The following ERG variants were observed in gnomAD, a reference collection of about 807,000 sequenced individuals.
The protein encoded by ERG is transcriptional regulator ERG.
Under a neutral mutation model 55.3 loss-of-function variants are expected in ERG, and 9 were observed. That is an observed-to-expected ratio of 0.16 (90% confidence interval 0.10 to 0.28). ERG has a LOEUF of 0.28. ERG is among the 10% of genes least tolerant of loss of function. The pLI, the probability that ERG is intolerant of heterozygous loss-of-function variation, is 1.00. For synonymous variants in ERG, 223 were observed against 237.3 expected (o/e 0.94, Z 0.55); for missense variants, 434 against 631.6 (o/e 0.69, Z 3.35).
chr21:38,439,133 C>T (rs1484823777), intron 2 of ERG, among the ~76,000 whole-genome samples: 2 of 152,276 alleles, frequency 1.3e-5, no homozygotes, highest in East Asian at 1.9e-4. Flanking sequence ...CTGCAGTGAG[C>T]CTCCAGGTGG....
At chr21:38,422,163 A>G (rs1301928349) in intron 3 of ERG, among the ~76,000 whole-genome samples, 1 of 152,272 alleles carries the variant, frequency 6.6e-6, no homozygotes, top group African/African-American at 2.4e-5. Context: ...GGCCTCCCTG[A>G]GGCCATGACA....
intron 1 of ERG, among the ~76,000 whole-genome samples, chr21:38,497,079 A>G (rs988513799): frequency 2.0e-5 from 3 of 152,226 alleles, no homozygotes; most frequent in African/African-American, 4.8e-5. Flanking sequence ...CAATCCTTGA[A>G]GCCAAAGAAA....
At chr21:38,567,698 A>G (rs985492499) in intron 2 of ERG, among the ~76,000 whole-genome samples, 1 of 152,188 alleles carries the variant, frequency 6.6e-6, no homozygotes, top group South Asian at 2.1e-4. Flanking sequence ...TTACAACTCA[A>G]TGAGTCTTTT....
chr21:38,622,592 A>G (rs1435559288), intron 1 of ERG, among the ~76,000 whole-genome samples: 2 of 149,876 alleles, frequency 1.3e-5, no homozygotes, highest in Admixed American at 6.7e-5. Context: ...CACACACACC[A>G]CACACAATCA....
At chr21:38,599,174 GC>G (rs1248198958) in intron 1 of ERG, among the ~76,000 whole-genome samples, 2 of 152,120 alleles carry the variant, frequency 1.3e-5, no homozygotes, top group Non-Finnish European at 2.9e-5. Context: ...CCATGGGGGG[GC>G]ACACTGAGCT....
intron 3 of ERG, among the ~76,000 whole-genome samples, chr21:38,414,098 G>A (rs1367679180): frequency 6.6e-6 from 1 of 152,204 alleles, no homozygotes; most frequent in Non-Finnish European, 1.5e-5. Flanking sequence ...ATCCGAGACT[G>A]TGGATAAAAT....
At chr21:38,407,005 G>A (rs910541055) in intron 3 of ERG, among the ~76,000 whole-genome samples, 7 of 152,082 alleles carry the variant, frequency 4.6e-5, no homozygotes, top group South Asian at 2.1e-4. Context: ...CTGGAGTTCC[G>A]GAGTTCTGCC....
intron 2 of ERG, among the ~76,000 whole-genome samples, chr21:38,543,570 G>A (rs1314649586): frequency 6.6e-6 from 1 of 152,100 alleles, no homozygotes; most frequent in Non-Finnish European, 1.5e-5. Flanking sequence ...GGGCTGGGAA[G>A]TGAGGATGGA....
chr21:38,493,152 C>T (rs2059350756), intron 1 of ERG, among the ~76,000 whole-genome samples: 1 of 152,112 alleles, frequency 6.6e-6, no homozygotes, highest in African/African-American at 2.4e-5. Flanking sequence ...TAATTCCTTT[C>T]TAGGCACCAA....
intron 1 of ERG, among the ~76,000 whole-genome samples, chr21:38,605,386 C>T (rs77246831): frequency 6.3e-4 from 96 of 152,208 alleles, no homozygotes; most frequent in Middle Eastern, 3.4e-3. Flanking sequence ...ATGGTAGACT[C>T]GCCTGAGACA....
intron 2 of ERG, among the ~76,000 whole-genome samples, chr21:38,424,828 G>A (rs1989745594): frequency 6.6e-6 from 1 of 152,262 alleles, no homozygotes; most frequent in East Asian, 1.9e-4. Flanking sequence ...GAGGCCTCAT[G>A]GGGAGTGGAC....
chr21:38,448,716 G>T (rs879384929), intron 1 of ERG, among the ~76,000 whole-genome samples: 4 of 152,174 alleles, frequency 2.6e-5, no homozygotes, highest in Non-Finnish European at 5.9e-5. Context: ...CCACATCTTT[G>T]TCCTCCCACT....
At chr21:38,404,207 A>C (rs932567110) in intron 3 of ERG, among the ~76,000 whole-genome samples, 4 of 152,152 alleles carry the variant, frequency 2.6e-5, no homozygotes, top group African/African-American at 9.7e-5. Flanking sequence ...ATACTGAAAA[A>C]TACTGACCAC....
rs968253554 is a variant in ERG at position 38,455,804 on chromosome 21, A to G, written c.19-10183T>C. On this transcript the variant is annotated intron_variant, in intron 1 of 9. Coordinates refer to ENST00000288319, the MANE Select transcript of ERG (RefSeq NM_182918.4). ...TCAAACACTCAATTCAAAATTTCCC[A>G]TAAGACGGGGGTGAGGGGGTGGGGG... 6.6e-5 allele frequency among the ~76,000 whole-genome samples: 10 copies of G among 151,192 alleles called. No homozygotes were observed. In the East Asian group the frequency reaches 9.8e-4, roughly 15 times the overall value.
At chr21:38,632,220 G>A (rs971300090) in intron 1 of ERG, among the ~76,000 whole-genome samples, 4 of 152,046 alleles carry the variant, frequency 2.6e-5, no homozygotes, top group Non-Finnish European at 5.9e-5. Flanking sequence ...AATGGGCACA[G>A]TAAAAGTGCA....
At chr21:38,419,627 C>T (rs1363340427) in intron 3 of ERG, among the ~76,000 whole-genome samples, 5 of 152,116 alleles carry the variant, frequency 3.3e-5, no homozygotes, top group Admixed American at 6.5e-5. Context: ...TGGATTCTAC[C>T]GTGCTCTTTC....
chr21:38,536,213 A>G (rs2059708919), intron 2 of ERG, among the ~76,000 whole-genome samples: 2 of 152,018 alleles, frequency 1.3e-5, no homozygotes, highest in Admixed American at 1.3e-4. Context: ...CTCCAACCAA[A>G]CCTGACTTAT....
chr21:38,610,614 G>A (rs964221645), intron 1 of ERG, among the ~76,000 whole-genome samples: 32 of 152,232 alleles, frequency 2.1e-4, no homozygotes, highest in African/African-American at 7.7e-4. Context: ...TGAAGCAGGG[G>A]AGATTGAACT....
chr21:38,535,936 T>A (rs1021066704), intron 2 of ERG, among the ~76,000 whole-genome samples: 1 of 152,102 alleles, frequency 6.6e-6, no homozygotes, highest in Non-Finnish European at 1.5e-5. Context: ...TTTTTTTTAA[T>A]CAACACTATC....
Sources: gnomAD v4.1 joint callset for allele counts (sites outside exome capture counted in the v4.1 genomes callset) on GRCh38, gnomAD v4.1.1 for gene constraint, MANE v1.5 for transcripts, NCBI Gene and HGNC (gene_info 2026-07-23, HGNC 2026-07-21) for gene names.